The following NDRG1 variants were observed in gnomAD, a reference collection of about 807,000 sequenced individuals.
NDRG1 encodes the protein N-myc downstream regulated 1, also known as protein NDRG1.
NDRG1 carries 32 observed loss-of-function variants against 56.9 expected under a neutral mutation model. The ratio of observed to expected loss-of-function variants is 0.56; its 90% CI spans 0.42 to 0.76. The LOEUF (loss-of-function observed/expected upper bound fraction) is 0.76. NDRG1 is among the 30% of genes least tolerant of loss of function. The probability of loss-of-function intolerance (pLI) is 0.00; values close to 1 mark genes in which losing one functional copy is unlikely to be tolerated. For missense variants in NDRG1, 507 were observed against 545.7 expected, an observed-to-expected ratio of 0.93 and a Z score of 0.71; for synonymous variants, 211 against 204.1, an observed-to-expected ratio of 1.03 and a Z score of -0.29.
At chr8:133,281,526 G>C (rs1857800844) in intron 2 of NDRG1, among the ~76,000 whole-genome samples, 1 of 152,162 alleles carries the variant, frequency 6.6e-6, no homozygotes, top group African/African-American at 2.4e-5. Flanking sequence ...ACATTTCTAA[G>C]AGATGTTGCT....
chr8:133,296,603 GC>G (rs1359660002), intron 1 of NDRG1: 7 of 451,994 alleles, frequency 1.5e-5, no homozygotes, highest in Non-Finnish European at 3.1e-5. Flanking sequence ...ACACACCCAC[GC>G]CCCCCTCTCC....
chr8:133,255,628 G>A (rs950329998), intron 8 of NDRG1: 7 of 329,692 alleles, frequency 2.1e-5, no homozygotes, highest in East Asian at 8.1e-5. Context: ...ACTCCAGAAC[G>A]TCATACAGGC....
At chr8:133,283,727 A>G (rs748737009) in intron 2 of NDRG1, among the ~76,000 whole-genome samples, 7 of 152,346 alleles carry the variant, frequency 4.6e-5, no homozygotes, top group Non-Finnish European at 8.8e-5. Context: ...ATATGAAGAT[A>G]CTGAGAGGTT....
rs986563451 is a variant in NDRG1 at position 133,238,450 on chromosome 8, A to G, written c.*428T>C. The stretch of plus-strand genomic sequence containing the variant: ...GGATTTTGTTTCCGGAAACTGGATC[A>G]GCTTCTCCTCAGTTAAAGAGGAAAC... On this transcript the variant is annotated 3_prime_UTR_variant, in exon 16 of 16. Coordinates refer to ENST00000323851, the MANE Select transcript of NDRG1 (RefSeq NM_006096.4). 1.9e-5 allele frequency: 5 copies of G among 259,770 alleles called. No homozygotes were observed. Among genetic ancestry groups the G allele is most frequent in the Admixed American group, 1.5e-4 (3 of 19,696 alleles). 16.1% of individuals were successfully genotyped at this position (259,770 alleles called of 1,614,324 possible).
rs572766077 is a variant in NDRG1 at position 133,248,603 on chromosome 8, G to A, written c.755+112C>T. 8.8e-6 allele frequency: 11 copies of A among 1,244,304 alleles called. No homozygotes were observed. In the East Asian group the frequency reaches 2.3e-4, roughly 26 times the overall value. 77.1% of individuals were successfully genotyped at this position (1,244,304 alleles called of 1,614,324 possible). ...CAGTCTCTGGGTGGAATATATCCAG[G>A]TCTCACTGACACAATGTCCTGCCAC... On this transcript the variant is annotated intron_variant, in intron 11 of 15. Transcript: ENST00000323851.
chr8:133,289,183 TGAG>T (rs1453024386), intron 1 of NDRG1, among the ~76,000 whole-genome samples: 1 of 152,198 alleles, frequency 6.6e-6, no homozygotes, highest in Non-Finnish European at 1.5e-5. Context: ...CCTGAGTAGC[TGAG>T]ATTACAGGCA....
At chr8:133,268,568 A>T (rs1054646094) in intron 3 of NDRG1, among the ~76,000 whole-genome samples, 2 of 152,196 alleles carry the variant, frequency 1.3e-5, no homozygotes, top group Admixed American at 6.5e-5. Flanking sequence ...GTGAGGGAGA[A>T]CATTTGCTAA....
intron 3 of NDRG1, among the ~76,000 whole-genome samples, chr8:133,276,605 G>A (rs1857468518): frequency 6.6e-6 from 1 of 152,170 alleles, no homozygotes; most frequent in East Asian, 1.9e-4. Context: ...AAGAGCAAGA[G>A]ATCTCATGGT....
chr8:133,248,782 C>A lies in NDRG1; in HGVS notation c.699-11G>T. On this transcript the variant is annotated splice_polypyrimidine_tract_variant and intron_variant, in intron 10 of 15. Transcript: ENST00000323851. The stretch of plus-strand genomic sequence containing the variant: ...TCCAGGTCGCGCCGGCTGCAGGAAA[C>A]AAATGCATCATTAGCATGAGGACCC... 6.2e-7 allele frequency: 1 copy of A among 1,614,158 alleles called. No homozygotes were observed. Among genetic ancestry groups the A allele is most frequent in the Admixed American group, 1.7e-5 (1 of 60,030 alleles).
chr8:133,256,051 C>A (rs562825999), intron 8 of NDRG1: 3 of 153,134 alleles, frequency 2.0e-5, no homozygotes, highest in East Asian at 3.9e-4. Context: ...CCACCCTGGA[C>A]AGGAGCCCCA....
chr8:133,280,107 G>T, intron 3 of NDRG1, 125 bp downstream of exon 3: 1 of 1,165,384 alleles, frequency 8.6e-7, no homozygotes, highest in Non-Finnish European at 1.3e-6. Flanking sequence ...ACCTAGCTGA[G>T]ACCACTGCCT....
At chr8:133,247,832 C>T (rs1855773539) in intron 12 of NDRG1, 43 bp downstream of exon 12, 2 of 1,605,632 alleles carry the variant, frequency 1.2e-6, no homozygotes, top group Non-Finnish European at 1.7e-6. Context: ...CCAGACTTTG[C>T]CTGTTGAATT....
At chr8:133,277,967 T>C (rs1362220547) in intron 3 of NDRG1, among the ~76,000 whole-genome samples, 2 of 152,166 alleles carry the variant, frequency 1.3e-5, no homozygotes, top group East Asian at 3.9e-4. Context: ...GGCTCTGGAA[T>C]GGGGCCTTCA....
At chr8:133,284,894 C>T (rs1272732200) in intron 1 of NDRG1, 4 of 454,108 alleles carry the variant, frequency 8.8e-6, no homozygotes, top group Non-Finnish European at 1.8e-5. Context: ...TCTCGGCTGC[C>T]TGCTAAAAGG....
intron 13 of NDRG1, among the ~76,000 whole-genome samples, chr8:133,245,184 G>A (rs1197089707): frequency 7.9e-5 from 12 of 152,194 alleles, no homozygotes; most frequent in Admixed American, 7.9e-4. Context: ...TCCTCCAGGC[G>A]GGGCACTCAG....
intron 13 of NDRG1, 123 bp from the exon 14 acceptor site, chr8:133,244,513 A>C: frequency 8.8e-7 from 1 of 1,139,238 alleles, no homozygotes; most frequent in Non-Finnish European, 1.3e-6. Flanking sequence ...CTGCCTTACA[A>C]AGGAGGAACA....
intron 1 of NDRG1, among the ~76,000 whole-genome samples, chr8:133,293,281 C>G (rs1399568626): frequency 2.0e-5 from 3 of 152,214 alleles, no homozygotes; most frequent in Non-Finnish European, 2.9e-5. Context: ...AGTGGACACG[C>G]GGTACTTCCA....
At chr8:133,271,162 G>T (rs118124288) in intron 3 of NDRG1, among the ~76,000 whole-genome samples, 10 of 152,250 alleles carry the variant, frequency 6.6e-5, no homozygotes, top group African/African-American at 2.2e-4. Flanking sequence ...GGCAGATGCC[G>T]ACCGTTCTAG....
chr8:133,243,931 TGTGTACACATGCACACACACAGAC>T (rs571697576), intron 14 of NDRG1, among the ~76,000 whole-genome samples: 59 of 151,680 alleles, frequency 3.9e-4, no homozygotes, highest in Admixed American at 1.1e-3. Context: ...CACACAGACA[TGTGTACACATGCACACACACAGAC>T]GTGTACACAT....
Sources: allele counts gnomAD v4.1 joint callset (sites outside exome capture counted in the v4.1 genomes callset), GRCh38; gene constraint gnomAD v4.1.1; transcripts MANE v1.5; gene names NCBI Gene and HGNC (gene_info 2026-07-23, HGNC 2026-07-21).